The following GJA3 variants were observed in gnomAD, a reference collection of about 807,000 sequenced individuals.
GJA3 encodes the protein gap junction alpha-3 protein.
For missense variants in GJA3, 571 were observed against 620.3 expected, an observed-to-expected ratio of 0.92 and a Z score of 0.84; for synonymous variants, 297 against 292.6, an observed-to-expected ratio of 1.02 and a Z score of -0.15.
intron 1 of GJA3, among the ~76,000 whole-genome samples, chr13:20,144,281 G>A (rs891715922): frequency 2.0e-5 from 3 of 152,192 alleles, no homozygotes; most frequent in Non-Finnish European, 2.9e-5. Context: ...GGGGTGAACC[G>A]AGCTTGAGGA....
At chr13:20,146,489 C>G (rs1364302140) in intron 1 of GJA3, among the ~76,000 whole-genome samples, 1 of 152,232 alleles carries the variant, frequency 6.6e-6, no homozygotes, top group Non-Finnish European at 1.5e-5. Context: ...CTGCAAAACA[C>G]TGGAATATAT....
Position 20,142,547 on chromosome 13 carries a change from C to T in GJA3, c.742G>A (p.Gly248Arg). The change falls in exon 2 of 2, where the codon GGG (glycine) becomes AGG (arginine). Residue 248 changes from glycine (G) to arginine (R), a missense_variant. By Grantham distance (125) the Gly-to-Arg change is moderately radical. Transcript: ENST00000241125. Reference protein sequence around the residue: ...LGPDASEAPLGTADPPPLPPS... With the variant: ...LGPDASEAPLRTADPPPLPPS... ...GGCAGGGGCGGGGGATCGGCTGTCC[C>T]CAGCGGGGCCTCGGAGGCGTCCGGG... is the stretch of plus-strand genomic sequence containing the variant. 6.4e-7 allele frequency: 1 copy of T among 1,569,504 alleles called. No homozygotes were observed. The highest frequency in any genetic ancestry group is 8.6e-7 in the Non-Finnish European group (1 of 1,158,008).
At chr13:20,143,556 TC>T (rs1370033779) in intron 1 of GJA3, among the ~76,000 whole-genome samples, 3 of 151,714 alleles carry the variant, frequency 2.0e-5, no homozygotes, top group African/African-American at 7.3e-5. Context: ...GAAAATGCCC[TC>T]CTCTGGCCTC....
At chr13:20,151,992 C>T (rs556729385) in intron 1 of GJA3, among the ~76,000 whole-genome samples, 7 of 152,246 alleles carry the variant, frequency 4.6e-5, no homozygotes, top group African/African-American at 1.4e-4. Flanking sequence ...GTGCTCAGAA[C>T]GGGAGTAATG....
In GJA3 at chr13:20,142,784, AG is replaced by A. The variant is rs1958819127; in HGVS notation, c.504del (p.Leu170CysfsTer6). ...LFEVGFIAGQ[Y>X]FLYGFELKPL... ...GGCTTCAGCTCGAAGCCGTACAGAAAGTACTGGCCGGCGATGAAGCCCACCT... is the reference window on the plus strand; with the variant it reads ...GGCTTCAGCTCGAAGCCGTACAGAAATACTGGCCGGCGATGAAGCCCACCT... On this transcript the variant is annotated frameshift_variant, in exon 2 of 2. Coordinates refer to ENST00000241125, the MANE Select transcript of GJA3 (RefSeq NM_021954.4). LOFTEE classifies it low-confidence loss of function (END_TRUNC). 6.2e-7 allele frequency: 1 copy of A among 1,613,610 alleles called. No homozygotes were observed. The highest frequency in any genetic ancestry group is 8.5e-7 in the Non-Finnish European group (1 of 1,179,912).
At chr13:20,152,782 G>A (rs9579787) in intron 1 of GJA3, among the ~76,000 whole-genome samples, 5 of 151,998 alleles carry the variant, frequency 3.3e-5, no homozygotes, top group African/African-American at 1.2e-4. Context: ...GTTTGTGATT[G>A]CCTGGAACAC....
rs544116497 is a variant in GJA3 at position 20,142,632 on chromosome 13, C to T, written c.657G>A (p.Met219Ile). ...TCCAGCCCAGGTGGTAGATCTCCAG[C>T]ATGTTGAGCAGCAGGGACGCGCAGG... Reference protein sequence around the residue: ...AVACASLLLNMLEIYHLGWKK... With the variant: ...AVACASLLLNILEIYHLGWKK... The change falls in exon 2 of 2, where the codon ATG becomes ATA. Residue 219 changes from methionine (M) to isoleucine (I), a missense_variant. Transcript: ENST00000241125. The T allele has an allele frequency of 1.2e-6, 2 of 1,611,534 alleles. No individual in the cohort carries two copies. The highest frequency in any genetic ancestry group is 4.6e-5 in the East Asian group (2 of 43,672).
intron 1 of GJA3, among the ~76,000 whole-genome samples, chr13:20,147,680 C>CT: frequency 6.6e-6 from 1 of 152,328 alleles, no homozygotes; most frequent in Admixed American, 6.5e-5. Context: ...TCACACTGCT[C>CT]ATCATAAAAG....
intron 1 of GJA3, among the ~76,000 whole-genome samples, chr13:20,148,789 C>T (rs1958859347): frequency 6.6e-6 from 1 of 152,220 alleles, no homozygotes; most frequent in South Asian, 2.1e-4. Flanking sequence ...CGGGGAGGCC[C>T]CCGGTGTGAT....
chr13:20,141,418 A>G lies in GJA3; in HGVS notation c.*563T>C, dbSNP rs538750027. On this transcript the variant is annotated 3_prime_UTR_variant, in exon 2 of 2. Transcript: ENST00000241125. The stretch of plus-strand genomic sequence containing the variant: ...TGAAGCTTGATATCCTGGGCTTCAC[A>G]TGCAATTTCGGAAACTCAAATGACA... 1 of 152,760 alleles carries G rather than the reference A, an allele frequency of 6.5e-6. No individual in the cohort carries two copies. Among genetic ancestry groups the G allele is most frequent in the East Asian group, 1.9e-4 (1 of 5,192 alleles). 9.5% of individuals were successfully genotyped at this position (152,760 alleles called of 1,614,324 possible). A position where few individuals can be genotyped will look rare whatever the true frequency, so the allele number is the denominator to read the frequency against.
At position 20,142,675 on chromosome 13, in the gene GJA3, A is replaced by G; in HGVS notation, c.614T>C (p.Ile205Thr). 1 of 1,613,920 alleles carries G rather than the reference A, an allele frequency of 6.2e-7. No individual in the cohort carries two copies. Among genetic ancestry groups the G allele is most frequent in the African/African-American group, 1.3e-5 (1 of 75,036 alleles). ...CGCGCAGGCCACCGCCAGCATGAAG[A>G]TGATGAAGATGGTCTTCTCCGTGGG... Reference protein sequence around the residue: ...SRPTEKTIFIIFMLAVACASL... With the variant: ...SRPTEKTIFITFMLAVACASL... The change falls in exon 2 of 2, where the codon ATC (isoleucine) becomes ACC (threonine). Residue 205 changes from isoleucine to threonine, a missense_variant. By Grantham distance (89) the Ile-to-Thr change is moderately conservative (BLOSUM62 -1). Coordinates refer to ENST00000241125, the MANE Select transcript of GJA3 (RefSeq NM_021954.4).
rs770016009 is a variant in GJA3, at chr13:20,142,647, G to C, written c.642C>G (p.Ser214=). 1.2e-6 allele frequency: 2 copies of C among 1,612,736 alleles called. No individual in the cohort carries two copies. The highest frequency in any genetic ancestry group is 2.3e-5 in the East Asian group (1 of 44,414). The change falls in exon 2 of 2, where the codon TCC becomes TCG. Residue 214 remains serine (S), a synonymous_variant. Coordinates refer to ENST00000241125, the MANE Select transcript of GJA3 (RefSeq NM_021954.4). ...AGATCTCCAGCATGTTGAGCAGCAG[G>C]GACGCGCAGGCCACCGCCAGCATGA... ...IIFMLAVACA[S]LLLNMLEIYH...
chr13:20,149,807 C>G (rs1465766360), intron 1 of GJA3, among the ~76,000 whole-genome samples: 1 of 152,222 alleles, frequency 6.6e-6, no homozygotes, highest in Non-Finnish European at 1.5e-5. Context: ...ACAGCAGAGC[C>G]AGGCTGTGGC....
chr13:20,145,876 C>T (rs1958839104), intron 1 of GJA3, among the ~76,000 whole-genome samples: 1 of 152,144 alleles, frequency 6.6e-6, no homozygotes, highest in Non-Finnish European at 1.5e-5. Context: ...CTCCCCATCC[C>T]GCTCCAGCAG....
At position 20,140,959 on chromosome 13, in the gene GJA3, CT is replaced by C. The variant is rs1958803576; in HGVS notation, c.*1021del. On this transcript the variant is annotated 3_prime_UTR_variant, in exon 2 of 2. Transcript: ENST00000241125. ...ATTTGAATGCACTTAAAACTTTCCC[CT>C]GCTTTTGTTTTATATAATACATTCT... is the stretch of plus-strand genomic sequence containing the variant. 1 of 152,170 alleles carries C rather than the reference CT, an allele frequency of 6.6e-6. No homozygotes were observed. Among genetic ancestry groups the C allele is most frequent in the Non-Finnish European group, 1.5e-5 (1 of 68,034 alleles). 9.4% of individuals were successfully genotyped at this position (152,170 alleles called of 1,614,324 possible). A position where few individuals can be genotyped will look rare whatever the true frequency, so the allele number is the denominator to read the frequency against.
rs1958792900 is a variant in GJA3, at chr13:20,139,131, GTGATAATA to G, written c.*2842_*2849del. On this transcript the variant is annotated 3_prime_UTR_variant, in exon 2 of 2. Coordinates refer to ENST00000241125, the MANE Select transcript of GJA3 (RefSeq NM_021954.4). ...TAAAAGTTTAAAAAGGAGAAAGTGA[GTGATAATA>G]TAAGTAATAGTTTTAGAATTTAAAA... The G allele has an allele frequency of 6.6e-6, 1 of 152,118 alleles. No homozygotes were observed. Among genetic ancestry groups the G allele is most frequent in the African/African-American group, 2.4e-5 (1 of 41,420 alleles). The allele number at this position is 152,118 out of a possible 1,614,324, so 9.4% of individuals were successfully genotyped here. A position where few individuals can be genotyped will look rare whatever the true frequency, so the allele number is the denominator to read the frequency against.
At chr13:20,146,011 A>G (rs1958840098) in intron 1 of GJA3, among the ~76,000 whole-genome samples, 1 of 152,206 alleles carries the variant, frequency 6.6e-6, no homozygotes, top group African/African-American at 2.4e-5. Flanking sequence ...CGGGGCAGGC[A>G]TGGGCATCCT....
At chr13:20,159,137 A>T (rs1958922881) in intron 1 of GJA3, among the ~76,000 whole-genome samples, 2 of 151,874 alleles carry the variant, frequency 1.3e-5, no homozygotes, top group Non-Finnish European at 1.5e-5. Context: ...TTCCCTCCTC[A>T]ATTCAGTAAA....
At chr13:20,146,078 C>T (rs373589120) in intron 1 of GJA3, among the ~76,000 whole-genome samples, 5 of 152,300 alleles carry the variant, frequency 3.3e-5, no homozygotes, top group South Asian at 2.1e-4. Flanking sequence ...CAGAGGCTTC[C>T]GAGGAAAGGC....
Sources: allele counts gnomAD v4.1 joint callset (sites outside exome capture counted in the v4.1 genomes callset), GRCh38; gene constraint gnomAD v4.1.1; transcripts MANE v1.5; gene names NCBI Gene and HGNC (gene_info 2026-07-23, HGNC 2026-07-21).